Variants in BCL7A observed in about 807,000 individuals in gnomAD.
The protein encoded by BCL7A is BAF chromatin remodeling complex subunit BCL7A, also known as B-cell CLL/lymphoma 7 protein family member A.
BCL7A carries 11 observed loss-of-function variants against 28.4 expected under a neutral mutation model. The ratio of observed to expected loss-of-function variants is 0.39; its 90% CI spans 0.24 to 0.64. The LOEUF (loss-of-function observed/expected upper bound fraction) is 0.64. BCL7A is among the 30% of genes least tolerant of loss of function. The pLI, the probability that BCL7A is intolerant of heterozygous loss-of-function variation, is 0.50. For synonymous variants in BCL7A, 123 were observed against 103.3 expected (o/e 1.19, Z -1.15); for missense variants, 222 against 274.8 (o/e 0.81, Z 1.36).
chr12:122,028,933 G>A (rs559673754), intron 1 of BCL7A, among the ~76,000 whole-genome samples: 1 of 152,180 alleles, frequency 6.6e-6, no homozygotes, highest in South Asian at 2.1e-4. Flanking sequence ...GAGGGGAAAG[G>A]TGGGCATTGT....
intron 1 of BCL7A, among the ~76,000 whole-genome samples, chr12:122,025,396 A>C (rs1418593068): frequency 6.6e-6 from 1 of 151,690 alleles, no homozygotes; most frequent in Non-Finnish European, 1.5e-5. Flanking sequence ...GAGGCCGGGC[A>C]GGCGGATCAC....
At chr12:122,022,297 G>A in intron 1 of BCL7A, 114 bp downstream of exon 1, 1 of 562,488 alleles carries the variant, frequency 1.8e-6, no homozygotes, top group Non-Finnish European at 2.2e-6. Context: ...CAGCCCCGCC[G>A]CGGGCCCCGG....
intron 3 of BCL7A, among the ~76,000 whole-genome samples, chr12:122,037,284 C>T (rs1457396741): frequency 6.6e-6 from 1 of 152,236 alleles, no homozygotes; most frequent in Non-Finnish European, 1.5e-5. Flanking sequence ...ACCCCAATTT[C>T]AACGTCTTTG....
intron 3 of BCL7A, among the ~76,000 whole-genome samples, chr12:122,041,199 G>A (rs368765197): frequency 1.8e-4 from 28 of 152,262 alleles, no homozygotes; most frequent in African/African-American, 5.1e-4. Flanking sequence ...AGATGGGTCC[G>A]GCAAGTGGCT....
At chr12:122,044,235 G>T in intron 4 of BCL7A, 182 bp downstream of exon 4, 1 of 695,110 alleles carries the variant, frequency 1.4e-6, no homozygotes, top group Admixed American at 3.1e-5. Context: ...CAGGCCAGGT[G>T]CAGTGGCTCA....
At chr12:122,024,703 G>A (rs1456056848) in intron 1 of BCL7A, among the ~76,000 whole-genome samples, 2 of 152,044 alleles carry the variant, frequency 1.3e-5, no homozygotes, top group African/African-American at 2.4e-5. Context: ...AGTTAAATTT[G>A]AATTTCAGAT....
At chr12:122,049,816 G>A (rs1289991474) in intron 4 of BCL7A, among the ~76,000 whole-genome samples, 1 of 152,008 alleles carries the variant, frequency 6.6e-6, no homozygotes, top group Non-Finnish European at 1.5e-5. Context: ...GGCTCTGCAG[G>A]CTGCGTCCCT....
intron 5 of BCL7A, among the ~76,000 whole-genome samples, chr12:122,056,670 G>C (rs922305462): frequency 6.6e-6 from 1 of 152,160 alleles, no homozygotes; most frequent in Non-Finnish European, 1.5e-5. Flanking sequence ...GCCAGGCATG[G>C]TGGTGCGCTC....
intron 3 of BCL7A, among the ~76,000 whole-genome samples, chr12:122,036,130 C>T (rs1177513604): frequency 2.0e-5 from 3 of 152,186 alleles, no homozygotes; most frequent in South Asian, 2.1e-4. Flanking sequence ...CATGAACCAC[C>T]GTGCCCGGCC....
At chr12:122,052,857 A>T (rs1287659692) in intron 4 of BCL7A, among the ~76,000 whole-genome samples, 3 of 25,784 alleles carry the variant, frequency 1.2e-4, no homozygotes, top group African/African-American at 1.7e-4. Flanking sequence ...TTACTTTTGT[A>T]TTTTTTTAGT....
intron 3 of BCL7A, 60 bp downstream of exon 3, chr12:122,035,487 G>A: frequency 2.7e-6 from 4 of 1,473,778 alleles, no homozygotes; most frequent in Admixed American, 3.6e-5. Flanking sequence ...CCAAGCACTC[G>A]GTCATGTTTT....
intron 5 of BCL7A, among the ~76,000 whole-genome samples, chr12:122,056,876 C>T (rs1229536333): frequency 6.6e-6 from 1 of 152,182 alleles, no homozygotes; most frequent in East Asian, 1.9e-4. Flanking sequence ...GCGATCCCTG[C>T]TCCCAGGGTC....
rs565954731 is a variant in BCL7A, at chr12:122,039,221, T to C, written c.271+3794T>C. 2.1e-3 allele frequency among the ~76,000 whole-genome samples: 311 copies of C among 150,956 alleles called. 2 individuals are homozygous for C. Among genetic ancestry groups the C allele is most frequent in the African/African-American group, 7.4e-3 (304 of 41,020 alleles). On this transcript the variant is annotated intron_variant, in intron 3 of 5. Coordinates refer to ENST00000261822, the MANE Select transcript of BCL7A (RefSeq NM_001024808.3). ...CTGAGGCAAGAGAATGGCGTGAACC[T>C]GGGAGGTGGAGCTTTCAGTGAGCCA... is the stretch of plus-strand genomic sequence containing the variant.
chr12:122,053,170 A>G (rs945818091), intron 4 of BCL7A, among the ~76,000 whole-genome samples: 10 of 150,736 alleles, frequency 6.6e-5, no homozygotes, highest in African/African-American at 2.0e-4. Context: ...TAATTTTTGT[A>G]TTTTTAGTAG....
At position 122,059,717 on chromosome 12, in the gene BCL7A, C is replaced by T. The variant is rs534870769; in HGVS notation, c.*554C>T. ...CGCTCTCCTCCCTGCCCCAGGACTT[C>T]ATCGGAGCAGGCAGGGTGGAGCGAA... On this transcript the variant is annotated 3_prime_UTR_variant, in exon 6 of 6. Transcript: ENST00000261822. The surrounding 1 kb of genome is among the most constrained non-coding windows in gnomAD (Gnocchi z 4.0). 5.2e-5 allele frequency: 12 copies of T among 232,656 alleles called. No individual in the cohort carries two copies. In the East Asian group the frequency reaches 5.5e-4, roughly 11 times the overall value. The allele number at this position is 232,656 out of a possible 1,614,324, so 14.4% of individuals were successfully genotyped here. A position where few individuals can be genotyped will look rare whatever the true frequency, so the allele number is the denominator to read the frequency against.
intron 1 of BCL7A, 26 bp downstream of exon 1, chr12:122,022,209 C>T (rs2135832791): frequency 1.4e-6 from 2 of 1,418,022 alleles, no homozygotes; most frequent in African/African-American, 3.1e-5. Flanking sequence ...CGCCGCCAGC[C>T]GCCTCCCCGG....
chr12:122,028,830 A>T (rs2135840665), intron 1 of BCL7A, among the ~76,000 whole-genome samples: 1 of 152,314 alleles, frequency 6.6e-6, no homozygotes, highest in African/African-American at 2.4e-5. Context: ...GCCTGGGCAC[A>T]CAGTGGCTAT....
chr12:122,034,192 T>C (rs1373046065), intron 2 of BCL7A, among the ~76,000 whole-genome samples: 1 of 72 alleles, frequency 0.014, no homozygotes, highest in Admixed American at 0.12. Flanking sequence ...GCATCTTTCA[T>C]ATATATATAT....
chr12:122,051,978 G>T (rs535598643), intron 4 of BCL7A, among the ~76,000 whole-genome samples: 16 of 145,986 alleles, frequency 1.1e-4, no homozygotes, highest in African/African-American at 4.1e-4. Context: ...GGGGTCAAGC[G>T]ATTCTCCTGC....
Sources: gnomAD v4.1 joint callset for allele counts (sites outside exome capture counted in the v4.1 genomes callset) on GRCh38, gnomAD v4.1.1 for gene constraint, Gnocchi (gnomAD v3.1) non-coding constraint, MANE v1.5 for transcripts, NCBI Gene and HGNC (gene_info 2026-07-23, HGNC 2026-07-21) for gene names.